Variants in MMP20 observed in about 807,000 individuals in gnomAD.
MMP20 encodes the protein matrix metalloproteinase-20.
MMP20 carries 50 observed loss-of-function variants against 51.8 expected under a neutral mutation model. The ratio of observed to expected loss-of-function variants is 0.97; its 90% CI spans 0.77 to 1.22. The LOEUF is 1.22. Among genes scored for constraint, MMP20 ranks in the 50% most tolerant of loss-of-function variants. The pLI is 0.00. For synonymous variants in MMP20, 244 were observed against 216.2 expected, an observed-to-expected ratio of 1.13 and a Z score of -1.13; for missense variants, 663 against 601.4, an observed-to-expected ratio of 1.10 and a Z score of -1.07.
At chr11:102,597,828 C>T (rs951997579) in intron 6 of MMP20, among the ~76,000 whole-genome samples, 10 of 152,014 alleles carry the variant, frequency 6.6e-5, no homozygotes, top group South Asian at 2.1e-4. Flanking sequence ...AGTGCAATGG[C>T]GTGATCTAAG....
intron 8 of MMP20, among the ~76,000 whole-genome samples, chr11:102,586,974 C>T (rs1474389209): frequency 1.3e-5 from 2 of 151,680 alleles, no homozygotes; most frequent in Non-Finnish European, 2.9e-5. Flanking sequence ...GTTTATATTT[C>T]CTTCTTTCTT....
At chr11:102,597,104 G>A (rs1034715418) in intron 6 of MMP20, among the ~76,000 whole-genome samples, 6 of 152,214 alleles carry the variant, frequency 3.9e-5, no homozygotes, top group Admixed American at 3.9e-4. Flanking sequence ...TGGGGAGGTA[G>A]AGGAGCAGAT....
intron 8 of MMP20, among the ~76,000 whole-genome samples, chr11:102,586,393 A>G (rs1279111422): frequency 6.6e-6 from 1 of 151,906 alleles, no homozygotes. Flanking sequence ...TCTTCTTATG[A>G]ATTTGTCCAT....
chr11:102,607,041 C>A (rs1417994634), intron 5 of MMP20: 3 of 214,550 alleles, frequency 1.4e-5, no homozygotes. Context: ...TCTTTGATAT[C>A]TACAAGTGTT....
chr11:102,579,212 G>A (rs1859165104), intron 8 of MMP20, 70 bp from the exon 9 acceptor site: 1 of 1,059,568 alleles, frequency 9.4e-7, no homozygotes, highest in Non-Finnish European at 1.4e-6. Flanking sequence ...ACACTATACT[G>A]GTCAGGCATA....
At chr11:102,619,862 G>A (rs886997055) in intron 1 of MMP20, among the ~76,000 whole-genome samples, 5 of 151,784 alleles carry the variant, frequency 3.3e-5, no homozygotes, top group African/African-American at 1.2e-4. Context: ...TAGTCTTAGA[G>A]CACAAAAGGT....
Position 102,594,645 on chromosome 11 carries a change from T to A in MMP20, c.1066A>T (p.Arg356Trp). The stretch of plus-strand genomic sequence containing the variant: ...CCTTTGAAGAAGTAAGCAGTGCCCC[T>A]CTCAGCCACTTCGTAAGCTGCATCC... ...NVDAAYEVAE[R>W]GTAYFFKGPH... The change falls in exon 7 of 10, where the codon AGG becomes TGG. Residue 356 changes from arginine to tryptophan, a missense_variant. Transcript: ENST00000260228. 6.2e-7 allele frequency: 1 copy of A among 1,613,838 alleles called. No individual in the cohort carries two copies. The highest frequency in any genetic ancestry group is 8.5e-7 in the Non-Finnish European group (1 of 1,179,978).
chr11:102,593,484 C>A lies in MMP20; in HGVS notation c.1202G>T (p.Arg401Met), dbSNP rs1360866299. The A allele has an allele frequency of 3.7e-6, 6 of 1,614,030 alleles. No individual in the cohort carries two copies. In the Admixed American group the frequency reaches 8.3e-5, roughly 22 times the overall value. Residue 401 changes from arginine (R) to methionine (M), a missense_variant, in exon 8 of 10, where the codon AGG becomes ATG. Arg to Met is a moderately conservative substitution (Grantham distance 91). Transcript: ENST00000260228. The part of the protein sequence containing the change: ...VQQIDAAVYL[R>M]EPQKTLFFVG... ...AAAGAAAAGGGTCTTCTGTGGCTCC[C>A]TGAGGTAGACAGCAGCATCTATTTG...
In MMP20 at chr11:102,579,094, A is replaced by G. The variant is rs1303032939; in HGVS notation, c.1296T>C (p.Thr432=). ...CATTTACTCCTGAAAATTCTTCTTC[A>G]GTATTCTTTGGATAGTCTTTTTCCA... is the stretch of plus-strand genomic sequence containing the variant. ...RKMEKDYPKN[T]EEEFSGVNGQ... is the part of the protein sequence containing the mutation. Residue 432 remains threonine, a synonymous_variant, in exon 9 of 10, where the codon ACT becomes ACC. Transcript: ENST00000260228. 6 of 1,613,858 alleles carry G rather than the reference A, an allele frequency of 3.7e-6. No homozygotes were observed. The highest frequency in any genetic ancestry group is 5.1e-6 in the Non-Finnish European group (6 of 1,179,800).
At chr11:102,586,770 T>A (rs943630525) in intron 8 of MMP20, among the ~76,000 whole-genome samples, 6 of 151,896 alleles carry the variant, frequency 4.0e-5, no homozygotes, top group African/African-American at 1.5e-4. Context: ...TGAGCCGAGA[T>A]CATGCCACTG....
intron 2 of MMP20, among the ~76,000 whole-genome samples, chr11:102,613,759 A>G (rs1186668484): frequency 6.6e-6 from 1 of 152,204 alleles, no homozygotes; most frequent in African/African-American, 2.4e-5. Flanking sequence ...GAAGAGAGCT[A>G]TAGAATTGAA....
chr11:102,579,029 A>T lies in MMP20; in HGVS notation c.1351+10T>A, dbSNP rs1859162068. On this transcript the variant is annotated intron_variant, in intron 9 of 9. Coordinates refer to ENST00000260228, the MANE Select transcript of MMP20 (RefSeq NM_004771.4). ...TTTTCATGAAGAAAGTTTTCAGTGGAAACACTTACCATTTAATTCTACAGC... is the reference window on the plus strand; with the variant it reads ...TTTTCATGAAGAAAGTTTTCAGTGGTAACACTTACCATTTAATTCTACAGC... 1.3e-6 allele frequency: 2 copies of T among 1,587,546 alleles called. No homozygotes were observed. The highest frequency in any genetic ancestry group is 1.7e-6 in the Non-Finnish European group (2 of 1,155,928).
intron 8 of MMP20, among the ~76,000 whole-genome samples, chr11:102,591,236 C>A (rs1195579630): frequency 1.3e-5 from 2 of 152,190 alleles, no homozygotes; most frequent in Admixed American, 1.3e-4. Context: ...TTGTTGCATA[C>A]ACCAGTGTAT....
intron 6 of MMP20, among the ~76,000 whole-genome samples, chr11:102,600,693 C>G (rs1481456081): frequency 6.6e-6 from 1 of 151,970 alleles, no homozygotes; most frequent in African/African-American, 2.4e-5. Context: ...CACCATGTTT[C>G]CCAGGCTGGT....
intron 6 of MMP20, among the ~76,000 whole-genome samples, 184 bp downstream of exon 6, chr11:102,606,351 C>T (rs746634987): frequency 6.6e-6 from 1 of 152,172 alleles, no homozygotes; most frequent in Non-Finnish European, 1.5e-5. Flanking sequence ...GTAGGTGCAC[C>T]ACAAACAGTA....
At position 102,587,705 on chromosome 11, in the gene MMP20, A is replaced by G. The variant is rs558540051; in HGVS notation, c.1247+5734T>C. Among the ~76,000 whole-genome samples the G allele has an allele frequency of 3.9e-5, 6 of 152,158 alleles. No individual in the cohort carries two copies. In the South Asian group the frequency reaches 1.2e-3, roughly 32 times the overall value. On this transcript the variant is annotated intron_variant, in intron 8 of 9. Transcript: ENST00000260228. ...TTGTCATTATAAAATGTCCTTCTTTATTGCTAGTAGCATTTTTTATTTCAA... is the reference window on the plus strand; with the variant it reads ...TTGTCATTATAAAATGTCCTTCTTTGTTGCTAGTAGCATTTTTTATTTCAA...
chr11:102,603,352 G>A (rs529231403), intron 6 of MMP20, among the ~76,000 whole-genome samples: 1 of 152,316 alleles, frequency 6.6e-6, no homozygotes, highest in Admixed American at 6.5e-5. Flanking sequence ...AGCGGCAGCT[G>A]GTAGGGGATC....
Position 102,594,682 on chromosome 11 carries a change from G to A in MMP20, c.1029C>T (p.Leu343=). 6.2e-7 allele frequency: 1 copy of A among 1,611,988 alleles called. No individual in the cohort carries two copies. Among genetic ancestry groups the A allele is most frequent in the Admixed American group, 1.7e-5 (1 of 59,714 alleles). ...PSTITSSFPQ[L]MSNVDAAYEV... is the part of the protein sequence containing the mutation. The stretch of plus-strand genomic sequence containing the variant: ...CGTAAGCTGCATCCACATTGGACAT[G>A]AGCTGGGGGAAGGAGCTGGTAATAG... The change falls in exon 7 of 10, where the codon CTC becomes CTT. Residue 343 remains leucine (L), a synonymous_variant. Transcript: ENST00000260228.
chr11:102,616,662 C>A (rs984980190), intron 2 of MMP20, 150 bp downstream of exon 2: 10 of 1,017,546 alleles, frequency 9.8e-6, no homozygotes, highest in Non-Finnish European at 1.4e-5. Context: ...ATTGTCATTG[C>A]CTGACGGATG....
Sources: allele counts gnomAD v4.1 joint callset (sites outside exome capture counted in the v4.1 genomes callset), GRCh38; gene constraint gnomAD v4.1.1; transcripts MANE v1.5; gene names NCBI Gene and HGNC (gene_info 2026-07-23, HGNC 2026-07-21).